CYSLTR1: variants seen among roughly 807,000 people sequenced by gnomAD.
CYSLTR1 encodes the protein cysteinyl leukotriene receptor 1.
CYSLTR1 carries 1 observed loss-of-function variant against 2.1 expected under a neutral mutation model. That is an observed-to-expected ratio of 0.48 (90% CI 0.17 to 2.28). The LOEUF (loss-of-function observed/expected upper bound fraction) is 2.28, where lower values mean the gene tolerates loss of function less well. CYSLTR1 is among the 30% of genes most tolerant of loss of function. The pLI is 0.26. For synonymous variants in CYSLTR1, 110 were observed against 89.6 expected, an observed-to-expected ratio of 1.23 and a Z score of -1.28; for missense variants, 299 against 250.1, an observed-to-expected ratio of 1.20 and a Z score of -1.32.
chrX:78,304,363 T>A (rs1922944553), intron 1 of CYSLTR1, among the ~76,000 whole-genome samples: 1 of 111,451 alleles, frequency 9.0e-6, no homozygotes, highest in African/African-American at 3.3e-5. Context: ...ATTTGTTGTA[T>A]GAGAAGTCCA....
At chrX:78,301,314 A>G (rs1325698331) in intron 1 of CYSLTR1, among the ~76,000 whole-genome samples, 2 of 112,160 alleles carry the variant, frequency 1.8e-5, no homozygotes, top group African/African-American at 6.5e-5. Flanking sequence ...TTTCTATTGC[A>G]TCATCAGGCT....
intron 1 of CYSLTR1, among the ~76,000 whole-genome samples, chrX:78,295,248 G>T (rs1222751754): frequency 3.6e-5 from 4 of 111,498 alleles, no homozygotes; most frequent in Non-Finnish European, 7.5e-5. Context: ...TTGTGTATAT[G>T]TACCGTCTTT....
In CYSLTR1 at chrX:78,271,499, G is replaced by A. The variant is rs1347281133; in HGVS notation, c.*1234C>T. The A allele has an allele frequency of 1.8e-5, 2 of 110,725 alleles. No homozygotes were observed. The highest frequency in any genetic ancestry group is 6.6e-5 in the African/African-American group (2 of 30,522). The allele number at this position is 110,725 out of a possible 1,213,427, so 9.1% of individuals were successfully genotyped here. On this transcript the variant is annotated 3_prime_UTR_variant, in exon 3 of 3. Transcript: ENST00000373304. The stretch of plus-strand genomic sequence containing the variant: ...CTTTATAGTTATTTATTTCTTCTGA[G>A]GTAAGTTACTTTTTAAAAAACAAAC...
At chrX:78,282,792 A>G (rs1252543577) in intron 2 of CYSLTR1, among the ~76,000 whole-genome samples, 2 of 111,856 alleles carry the variant, frequency 1.8e-5, no homozygotes, top group East Asian at 2.8e-4. Flanking sequence ...TGTCCATTAC[A>G]TGTTATAATT....
intron 2 of CYSLTR1, among the ~76,000 whole-genome samples, chrX:78,280,527 G>C (rs1013657528): frequency 3.5e-4 from 35 of 98,727 alleles, no homozygotes; most frequent in African/African-American, 1.2e-3. Context: ...GTGTGTGTTG[G>C]GGGGGGGGTA....
At chrX:78,325,836 T>C (rs935215776) in intron 1 of CYSLTR1, among the ~76,000 whole-genome samples, 1 of 112,232 alleles carries the variant, frequency 8.9e-6, no homozygotes, top group Non-Finnish European at 1.9e-5. Context: ...TCAATTATAC[T>C]GAAAATACAA....
At chrX:78,303,378 G>T (rs1364606883) in intron 1 of CYSLTR1, among the ~76,000 whole-genome samples, 1 of 106,561 alleles carries the variant, frequency 9.4e-6, no homozygotes, top group East Asian at 2.9e-4. Flanking sequence ...TTAAAATCAG[G>T]TGCTATGAGA....
Position 78,272,666 on chromosome X carries a change from A to G in CYSLTR1, c.*67T>C. 9.8e-7 allele frequency: 1 copy of G among 1,016,402 alleles called. No individual in the cohort carries two copies. The highest frequency in any genetic ancestry group is 3.2e-4 in the Middle Eastern group (1 of 3,130). 83.8% of individuals were successfully genotyped at this position (1,016,402 alleles called of 1,213,427 possible). On this transcript the variant is annotated 3_prime_UTR_variant, in exon 3 of 3. Transcript: ENST00000373304. ...TAAGTAAAATTTTTATTTTTTTTGT[A>G]AATGATTTGACAAAATACTTATTTG... is the stretch of plus-strand genomic sequence containing the variant.
chrX:78,290,887 T>C (rs1041255585), intron 1 of CYSLTR1, among the ~76,000 whole-genome samples: 2 of 111,979 alleles, frequency 1.8e-5, no homozygotes, highest in Non-Finnish European at 3.8e-5. Flanking sequence ...AAATATACAA[T>C]CATGTCATCT....
chrX:78,280,284 T>A (rs1426725084), intron 2 of CYSLTR1, among the ~76,000 whole-genome samples: 1 of 111,895 alleles, frequency 8.9e-6, no homozygotes, highest in South Asian at 3.7e-4. Flanking sequence ...TTTTCTTAGT[T>A]CCATGTCAAG....
intron 2 of CYSLTR1, among the ~76,000 whole-genome samples, chrX:78,274,396 A>T (rs1921474212): frequency 9.0e-6 from 1 of 111,318 alleles, no homozygotes; most frequent in African/African-American, 3.3e-5. Flanking sequence ...GACCAATGGA[A>T]CAGAACAGAG....
chrX:78,284,787 A>G (rs916516229), intron 1 of CYSLTR1, among the ~76,000 whole-genome samples: 2 of 110,953 alleles, frequency 1.8e-5, no homozygotes, highest in Non-Finnish European at 3.8e-5. Context: ...AAAAAAGGAA[A>G]ATAAAAGAAA....
At chrX:78,311,731 A>T (rs190294097) in intron 1 of CYSLTR1, among the ~76,000 whole-genome samples, 224 of 112,198 alleles carry the variant, frequency 2.0e-3, no homozygotes, top group African/African-American at 7.1e-3. Context: ...AATTCCATTT[A>T]CAATAGCCAC....
At chrX:78,294,441 C>G (rs1237319167) in intron 1 of CYSLTR1, among the ~76,000 whole-genome samples, 1 of 112,583 alleles carries the variant, frequency 8.9e-6, no homozygotes, top group Admixed American at 9.3e-5. Flanking sequence ...GTTCAGGGAC[C>G]CACTTGAGGA....
chrX:78,310,748 T>A (rs944032655), intron 1 of CYSLTR1, among the ~76,000 whole-genome samples: 16 of 110,858 alleles, frequency 1.4e-4, no homozygotes, highest in Admixed American at 1.3e-3. Context: ...GTATCCTAGG[T>A]AGGAGGAGAA....
intron 1 of CYSLTR1, among the ~76,000 whole-genome samples, chrX:78,307,933 G>A (rs1923086208): frequency 9.0e-6 from 1 of 111,376 alleles, no homozygotes; most frequent in Admixed American, 9.5e-5. Context: ...GTTTATCAGG[G>A]ATCTTTGGCC....
At position 78,272,468 on chromosome X, in the gene CYSLTR1, T is replaced by C. The variant is rs772901582; in HGVS notation, c.*265A>G. 8 of 216,285 alleles carry C rather than the reference T, an allele frequency of 3.7e-5. No homozygotes were observed. In the South Asian group the frequency reaches 1.8e-3, roughly 50 times the overall value. 17.8% of individuals were successfully genotyped at this position (216,285 alleles called of 1,213,427 possible). A position where few individuals can be genotyped will look rare whatever the true frequency, so the allele number is the denominator to read the frequency against. ...CTTTAATATAAGACATATTTTATAG[T>C]GCAAAGATAAAAATATTCTCCAAAT... On this transcript the variant is annotated 3_prime_UTR_variant, in exon 3 of 3. Coordinates refer to ENST00000373304, the MANE Select transcript of CYSLTR1 (RefSeq NM_006639.4).
At chrX:78,314,272 A>G (rs1022855278) in intron 1 of CYSLTR1, among the ~76,000 whole-genome samples, 1 of 111,818 alleles carries the variant, frequency 8.9e-6, no homozygotes, top group Non-Finnish European at 1.9e-5. Context: ...TTGATGATTC[A>G]CCCACAGAAT....
chrX:78,311,112 C>T (rs1205379484), intron 1 of CYSLTR1, among the ~76,000 whole-genome samples: 1 of 110,467 alleles, frequency 9.1e-6, no homozygotes, highest in South Asian at 3.8e-4. Context: ...ATAGAGGTTG[C>T]CCATCCCTGA....
Sources: allele counts gnomAD v4.1 joint callset (sites outside exome capture counted in the v4.1 genomes callset), GRCh38; gene constraint gnomAD v4.1.1; transcripts MANE v1.5; gene names NCBI Gene and HGNC (gene_info 2026-07-23, HGNC 2026-07-21).